TBC1D5: variants seen among roughly 807,000 people sequenced by gnomAD.
TBC1D5 encodes TBC1 domain family, member 5.
In TBC1D5, 75 loss-of-function variants were observed where a neutral mutation model predicts 100.3. That is an observed-to-expected ratio of 0.75 (90% CI 0.62 to 0.91). The LOEUF (loss-of-function observed/expected upper bound fraction) is 0.91, where lower values mean the gene tolerates loss of function less well. Among genes scored for constraint, TBC1D5 ranks in the 40% least tolerant of loss-of-function variants. The pLI is 0.00. For missense variants in TBC1D5, 910 were observed against 942.4 expected (o/e 0.97, Z 0.45); for synonymous variants, 323 against 325.6 (o/e 0.99, Z 0.09).
chr3:17,241,960 A>G (rs1363537152), intron 16 of TBC1D5, among the ~76,000 whole-genome samples: 7 of 152,234 alleles, frequency 4.6e-5, no homozygotes, highest in Admixed American at 4.6e-4. Context: ...CAAATATAAC[A>G]TATTTAAAAA....
chr3:17,423,197 A>G (rs1174831589), intron 4 of TBC1D5, among the ~76,000 whole-genome samples: 1 of 152,130 alleles, frequency 6.6e-6, no homozygotes, highest in East Asian at 1.9e-4. Context: ...GGAAAAAAAC[A>G]AACAACAAAA....
chr3:17,262,485 T>G (rs796119505), intron 15 of TBC1D5, among the ~76,000 whole-genome samples: 9 of 147,764 alleles, frequency 6.1e-5, no homozygotes, highest in Non-Finnish European at 8.9e-5. Context: ...AATGTTTTTT[T>G]TTTTTTTTTT....
chr3:17,678,592 G>C lies in TBC1D5; in HGVS notation c.-100-54679C>G, dbSNP rs192758355. Among the ~76,000 whole-genome samples, 64 of 142,748 alleles carry C rather than the reference G, an allele frequency of 4.5e-4. 1 individual carries two copies. Among genetic ancestry groups the C allele is most frequent in the African/African-American group, 1.8e-3 (61 of 34,636 alleles). The allele number at this position is 142,748 out of a possible 152,430, so 93.6% of individuals were successfully genotyped here. Reference sequence around the variant, plus strand: ...ATCATTCTGCCCACAATCAGGCAATGACTCAACCTCACACATCCCCCTTCT... The same window carrying C: ...ATCATTCTGCCCACAATCAGGCAATCACTCAACCTCACACATCCCCCTTCT... On this transcript the variant is annotated intron_variant, in intron 1 of 21. Transcript: ENST00000253692.
intron 21 of TBC1D5, 102 bp downstream of exon 22, chr3:17,166,665 T>G (rs1196497996): frequency 1.6e-5 from 24 of 1,464,994 alleles, no homozygotes; most frequent in Non-Finnish European, 1.8e-5. Context: ...TCATACATGG[T>G]AATTTGAAGT....
intron 2 of TBC1D5, among the ~76,000 whole-genome samples, chr3:17,524,171 CAT>C (rs988883143): frequency 1.3e-5 from 2 of 152,066 alleles, no homozygotes; most frequent in African/African-American, 4.8e-5. Flanking sequence ...CAGCCAATAA[CAT>C]AAAATAATGT....
At chr3:17,524,076 T>C (rs1178286740) in intron 2 of TBC1D5, among the ~76,000 whole-genome samples, 1 of 152,078 alleles carries the variant, frequency 6.6e-6, no homozygotes, top group East Asian at 1.9e-4. Flanking sequence ...GTAAAAAGCA[T>C]GAAACAAATA....
chr3:17,574,671 C>T (rs1164552438), intron 2 of TBC1D5, among the ~76,000 whole-genome samples: 2 of 152,066 alleles, frequency 1.3e-5, no homozygotes, highest in African/African-American at 4.8e-5. Flanking sequence ...CATAGTCCAG[C>T]CATCTATCTC....
chr3:17,232,467 G>A (rs2075504241), intron 17 of TBC1D5, among the ~76,000 whole-genome samples: 1 of 151,842 alleles, frequency 6.6e-6, no homozygotes, highest in African/African-American at 2.4e-5. Context: ...AAGCTAAAGA[G>A]AAATCATGTA....
chr3:17,570,667 T>C (rs1041666216), intron 2 of TBC1D5, among the ~76,000 whole-genome samples: 33 of 151,988 alleles, frequency 2.2e-4, no homozygotes. Flanking sequence ...TTTCAGTATT[T>C]TATTATATTT....
At chr3:17,698,946 G>A (rs1224539934) in intron 1 of TBC1D5, among the ~76,000 whole-genome samples, 3 of 142,018 alleles carry the variant, frequency 2.1e-5, no homozygotes, top group Non-Finnish European at 3.1e-5. Context: ...CTGTTGGTGG[G>A]ACTGTAAACT....
intron 19 of TBC1D5, among the ~76,000 whole-genome samples, chr3:17,172,468 T>C (rs550046321): frequency 5.0e-4 from 76 of 152,366 alleles, no homozygotes; most frequent in African/African-American, 1.8e-3. Flanking sequence ...ATTCTCCTCA[T>C]AGCCAAAGGC....
chr3:17,725,762 C>T (rs181977606), intron 1 of TBC1D5, among the ~76,000 whole-genome samples: 12 of 152,204 alleles, frequency 7.9e-5, no homozygotes, highest in African/African-American at 2.2e-4. Context: ...TTGTCATATA[C>T]GTAAACTGCA....
At chr3:17,433,149 C>T (rs577270298) in intron 3 of TBC1D5, among the ~76,000 whole-genome samples, 3 of 152,100 alleles carry the variant, frequency 2.0e-5, no homozygotes, top group African/African-American at 7.2e-5. Context: ...AATTGTTGTG[C>T]ATATATGTTC....
At chr3:17,262,564 C>T (rs1019366459) in intron 15 of TBC1D5, among the ~76,000 whole-genome samples, 32 of 149,698 alleles carry the variant, frequency 2.1e-4, no homozygotes, top group African/African-American at 7.2e-4. Flanking sequence ...TCACTGCAAG[C>T]TCCACCTCCC....
intron 8 of TBC1D5, among the ~76,000 whole-genome samples, chr3:17,401,090 A>T (rs975087443): frequency 6.6e-6 from 1 of 151,984 alleles, no homozygotes; most frequent in Non-Finnish European, 1.5e-5. Flanking sequence ...CCTCTAGAGA[A>T]CGCTAATACA....
intron 8 of TBC1D5, among the ~76,000 whole-genome samples, chr3:17,389,244 C>T (rs1282502354): frequency 6.6e-6 from 1 of 152,076 alleles, no homozygotes; most frequent in Middle Eastern, 3.2e-3. Flanking sequence ...GCAGTTAGAT[C>T]TAGAGACTTT....
At chr3:17,599,089 A>C (rs1212700704) in intron 2 of TBC1D5, among the ~76,000 whole-genome samples, 2 of 152,190 alleles carry the variant, frequency 1.3e-5, no homozygotes, top group Non-Finnish European at 2.9e-5. Context: ...CAAGGTTTCT[A>C]ATCTAGGCAT....
At chr3:17,632,700 A>C (rs1195235681) in intron 1 of TBC1D5, among the ~76,000 whole-genome samples, 1 of 152,206 alleles carries the variant, frequency 6.6e-6, no homozygotes, top group Non-Finnish European at 1.5e-5. Context: ...AAAAGATTAC[A>C]ACTCACTAAA....
chr3:17,249,061 G>A (rs1013758908), intron 16 of TBC1D5, among the ~76,000 whole-genome samples: 1 of 152,174 alleles, frequency 6.6e-6, no homozygotes, highest in African/African-American at 2.4e-5. Context: ...GAATTGAAGA[G>A]TTAGGGCCTT....
Sources: gnomAD v4.1 joint callset for allele counts (sites outside exome capture counted in the v4.1 genomes callset) on GRCh38, gnomAD v4.1.1 for gene constraint, MANE v1.5 for transcripts, NCBI Gene and HGNC (gene_info 2026-07-23, HGNC 2026-07-21) for gene names.